The following NYAP2 variants were observed in gnomAD, a reference collection of about 807,000 sequenced individuals.
The protein encoded by NYAP2 is neuronal tyrosine-phosphorylated phosphoinositide-3-kinase adaptor 2, also known as neuronal tyrosine-phosphorylated phosphoinositide-3-kinase adapter 2.
In NYAP2, 23 loss-of-function variants were observed where a neutral mutation model predicts 50.4. The ratio of observed to expected loss-of-function variants is 0.46; its 90% CI spans 0.33 to 0.65. The LOEUF (loss-of-function observed/expected upper bound fraction) is 0.65. Ranked by LOEUF, NYAP2 falls within the 30% of genes least tolerant of loss-of-function variation. NYAP2 has a pLI of 0.02. For synonymous variants in NYAP2, 394 were observed against 365.2 expected, an observed-to-expected ratio of 1.08 and a Z score of -0.90; for missense variants, 885 against 861.0, an observed-to-expected ratio of 1.03 and a Z score of -0.35.
chr2:225,577,014 T>A (rs1223706539), intron 4 of NYAP2, among the ~76,000 whole-genome samples: 1 of 41,692 alleles, frequency 2.4e-5, no homozygotes, highest in African/African-American at 1.2e-4. Context: ...TGGTTTTACA[T>A]TACACTTTTT....
At chr2:225,651,222 G>A (rs1226953611) in intron 6 of NYAP2, among the ~76,000 whole-genome samples, 1 of 152,240 alleles carries the variant, frequency 6.6e-6, no homozygotes, top group African/African-American at 2.4e-5. Flanking sequence ...GCTTCTGAGA[G>A]TTGTTCCCCA....
At chr2:225,561,453 T>C (rs1333660121) in intron 4 of NYAP2, among the ~76,000 whole-genome samples, 1 of 152,108 alleles carries the variant, frequency 6.6e-6, no homozygotes, top group African/African-American at 2.4e-5. Flanking sequence ...GTTAGTCAAC[T>C]CATGGCATTA....
intron 5 of NYAP2, among the ~76,000 whole-genome samples, chr2:225,604,509 G>A (rs953486888): frequency 6.6e-6 from 1 of 152,028 alleles, no homozygotes; most frequent in African/African-American, 2.4e-5. Flanking sequence ...GAAGAAGCAC[G>A]ATCTGAAACA....
chr2:225,589,120 A>G (rs1692443481), intron 5 of NYAP2, among the ~76,000 whole-genome samples: 1 of 151,966 alleles, frequency 6.6e-6, no homozygotes, highest in Admixed American at 6.6e-5. Context: ...GGACCAAGAA[A>G]CCAGATACCC....
rs79711270 is a variant in NYAP2 at position 225,609,928 on chromosome 2, G to A, written c.1619-16989G>A. ...ACTGTATTTAAATTCAGATAAATTG[G>A]GAATCACACCTCAGCTTTATTGTTC... On this transcript the variant is annotated intron_variant, in intron 5 of 6. Coordinates refer to ENST00000636099, the Ensembl canonical transcript of NYAP2. Among the ~76,000 whole-genome samples, 160 of 152,164 alleles carry A rather than the reference G, an allele frequency of 1.1e-3. 1 individual carries two copies. Among genetic ancestry groups the A allele is most frequent in the Non-Finnish European group, 1.6e-3 (106 of 67,990 alleles).
At chr2:225,648,280 G>A (rs999269193) in intron 6 of NYAP2, among the ~76,000 whole-genome samples, 2 of 152,152 alleles carry the variant, frequency 1.3e-5, no homozygotes, top group Non-Finnish European at 2.9e-5. Context: ...GGTTACAGGT[G>A]TGAGCCACTG....
intron 4 of NYAP2, among the ~76,000 whole-genome samples, chr2:225,538,235 C>A (rs1691385337): frequency 6.6e-6 from 1 of 152,206 alleles, no homozygotes; most frequent in Admixed American, 6.5e-5. Flanking sequence ...AGACAGTACC[C>A]TAGTAGGGAC....
chr2:225,546,660 G>C (rs142100358), intron 4 of NYAP2, among the ~76,000 whole-genome samples: 1 of 152,026 alleles, frequency 6.6e-6, no homozygotes, highest in Non-Finnish European at 1.5e-5. Flanking sequence ...GGACCCCAGT[G>C]GTTCACTTGG....
chr2:225,466,721 T>A (rs1410088486), intron 3 of NYAP2, among the ~76,000 whole-genome samples: 1 of 152,232 alleles, frequency 6.6e-6, no homozygotes, highest in African/African-American at 2.4e-5. Context: ...CAAGATGGTA[T>A]CTAAACAATT....
rs373262680 is a variant in NYAP2 at position 225,642,015 on chromosome 2, G to A, written c.1829-9417G>A. Among the ~76,000 whole-genome samples, 37 of 151,976 alleles carry A rather than the reference G, an allele frequency of 2.4e-4. 2 individuals are homozygous for A. In the South Asian group the frequency reaches 7.3e-3, roughly 30 times the overall value. The stretch of plus-strand genomic sequence containing the variant: ...AAATGCTTAATGAGTCCTTATCAAG[G>A]ATCAGTTATCATGTTACTCAGGGAA... On this transcript the variant is annotated intron_variant, in intron 6 of 6. Coordinates refer to ENST00000636099, the Ensembl canonical transcript of NYAP2.
At chr2:225,689,538 G>C in the NYAP2 span, among the ~76,000 whole-genome samples, 1 of 152,090 alleles carries the variant, frequency 6.6e-6, no homozygotes, top group South Asian at 2.1e-4. Flanking sequence ...GCATTCAAAA[G>C]CAACTCTGAA....
At chr2:225,615,229 G>A (rs908246850) in intron 5 of NYAP2, among the ~76,000 whole-genome samples, 3 of 152,164 alleles carry the variant, frequency 2.0e-5, no homozygotes, top group Non-Finnish European at 4.4e-5. Context: ...CATGTGGCTA[G>A]TCTCTTGACT....
chr2:225,659,745 GGTT>G, the NYAP2 span, among the ~76,000 whole-genome samples: 888 of 152,264 alleles, frequency 5.8e-3, 12 homozygotes, highest in African/African-American at 0.02. Flanking sequence ...CTGAGTCTGG[GGTT>G]GTTGTTGAGG....
At chr2:225,655,905 CACACACACACACACACACACACAT>C, downstream of NYAP2, among the ~76,000 whole-genome samples, 1 of 144,768 alleles carries the variant, frequency 6.9e-6, no homozygotes, top group South Asian at 2.3e-4. Context: ...CACACACACA[CACACACACACACACACACACACAT>C]ACACACATAC....
intron 3 of NYAP2, among the ~76,000 whole-genome samples, chr2:225,457,905 G>GT (rs1689764658): frequency 1.3e-5 from 2 of 152,102 alleles, no homozygotes; most frequent in African/African-American, 4.8e-5. Context: ...CATCTATGAT[G>GT]TTTTTTTAGA....
At chr2:225,505,789 C>A (rs1340427133) in intron 3 of NYAP2, among the ~76,000 whole-genome samples, 1 of 152,118 alleles carries the variant, frequency 6.6e-6, no homozygotes. Context: ...GTTGATATAC[C>A]TGAACAGTTT....
At chr2:225,470,318 A>G (rs1689993281) in intron 3 of NYAP2, among the ~76,000 whole-genome samples, 2 of 152,062 alleles carry the variant, frequency 1.3e-5, no homozygotes, top group South Asian at 4.1e-4. Context: ...CTTTTATTGT[A>G]TGCATATGCA....
At chr2:225,515,681 G>T (rs151029368) in intron 4 of NYAP2, among the ~76,000 whole-genome samples, 172 of 152,162 alleles carry the variant, frequency 1.1e-3, no homozygotes, top group African/African-American at 4.0e-3. Flanking sequence ...TTTTAAATGT[G>T]GTTCATAGGT....
chr2:225,644,879 G>A (rs988555978), intron 6 of NYAP2, among the ~76,000 whole-genome samples: 56 of 152,060 alleles, frequency 3.7e-4, no homozygotes, highest in African/African-American at 1.3e-3. Context: ...GTAGTGTGAT[G>A]CCTCCAGCTT....
Sources: gnomAD v4.1 joint callset for allele counts (sites outside exome capture counted in the v4.1 genomes callset) on GRCh38, gnomAD v4.1.1 for gene constraint, MANE v1.5 for transcripts, NCBI Gene and HGNC (gene_info 2026-07-23, HGNC 2026-07-21) for gene names.